Variants in GABPB1 observed in about 807,000 individuals in gnomAD.
GABPB1 encodes GA binding protein transcription factor subunit beta 1, also known as GA-binding protein subunit beta-1.
A neutral mutation model predicts 45.9 loss-of-function variants in GABPB1; 15 were observed. That is an observed-to-expected ratio of 0.33 (90% CI 0.22 to 0.50). The LOEUF is 0.50. GABPB1 is among the 20% of genes least tolerant of loss of function. GABPB1 has a pLI of 0.98. For missense variants in GABPB1, 252 were observed against 457.5 expected (o/e 0.55, Z 4.10); for synonymous variants, 143 against 154.4 (o/e 0.93, Z 0.55).
At chr15:50,353,776 G>C (rs1049903118) in intron 1 of GABPB1, 2 of 152,342 alleles carry the variant, frequency 1.3e-5, no homozygotes, top group Non-Finnish European at 2.9e-5. Context: ...TAATAAATGA[G>C]AGTGGATCTT....
chr15:50,329,652 T>C (rs1186068708), intron 1 of GABPB1, among the ~76,000 whole-genome samples: 1 of 152,196 alleles, frequency 6.6e-6, no homozygotes. Flanking sequence ...TTCAAGTTTG[T>C]CTTCAATTTT....
intron 1 of GABPB1, among the ~76,000 whole-genome samples, chr15:50,323,107 GC>G (rs1184736949): frequency 6.6e-6 from 1 of 152,124 alleles, no homozygotes; most frequent in Non-Finnish European, 1.5e-5. Context: ...ACAGTGGTGT[GC>G]ACCTGCAGTA....
chr15:50,340,465 T>C (rs8026785), intron 1 of GABPB1, among the ~76,000 whole-genome samples: 94,201 of 150,300 alleles, frequency 0.63, 30,527 homozygotes, highest in African/African-American at 0.77. Flanking sequence ...TGCTCCTCCT[T>C]GGCCCACCCT....
At chr15:50,289,785 TA>T in intron 6 of GABPB1, 117 bp from the exon 7 acceptor site, 1 of 782,498 alleles carries the variant, frequency 1.3e-6, no homozygotes, top group East Asian at 2.7e-5. Context: ...TTTTCTTTTT[TA>T]AATAGAGATA....
At position 50,303,999 on chromosome 15, in the gene GABPB1, C is replaced by T. The variant is rs747719315; in HGVS notation, c.243G>A (p.Glu81=). The stretch of plus-strand genomic sequence containing the variant: ...AAACCTCTACTATGCTGGCATGGCC[C>T]TCAGAAGCTGCCATATGTAATGGTG... ...DRTPLHMAAS[E]GHASIVEVLL... The change falls in exon 3 of 9, where the codon GAG becomes GAA. Residue 81 remains glutamate (E), a synonymous_variant. Transcript: ENST00000380877. The T allele has an allele frequency of 5.6e-6, 9 of 1,611,418 alleles. No individual in the cohort carries two copies. In the African/African-American group the frequency reaches 1.1e-4, roughly 19 times the overall value.
rs67151288 is a variant in GABPB1, at chr15:50,346,587, G to GTTTTTT, written c.-1+8392_-1+8397dup. On this transcript the variant is annotated intron_variant, in intron 1 of 8. Coordinates refer to ENST00000380877, the MANE Select transcript of GABPB1 (RefSeq NM_016654.5). Reference sequence around the variant, plus strand: ...CTGGGTAGCTTACAAACAACAGAAAGTTTTTTTTTTTTTTTTTTTGTAGAG... The same window carrying GTTTTTT: ...CTGGGTAGCTTACAAACAACAGAAAGTTTTTTTTTTTTTTTTTTTTTTTTTGTAGAG... Among the ~76,000 whole-genome samples, 45 of 119,886 alleles carry GTTTTTT rather than the reference G, an allele frequency of 3.8e-4. 3 individuals carry two copies. Among genetic ancestry groups the GTTTTTT allele is most frequent in the African/African-American group, 4.6e-4 (14 of 30,710 alleles). 78.6% of individuals were successfully genotyped at this position (119,886 alleles called of 152,430 possible). A position where few individuals can be genotyped will look rare whatever the true frequency, so the allele number is the denominator to read the frequency against.
At chr15:50,350,777 T>C (rs933625427) in intron 1 of GABPB1, 1 of 152,190 alleles carries the variant, frequency 6.6e-6, no homozygotes, top group Non-Finnish European at 1.5e-5. Flanking sequence ...TTTCACAATT[T>C]TGAGGAAATT....
At chr15:50,320,728 A>G (rs534111629) in intron 1 of GABPB1, among the ~76,000 whole-genome samples, 35 of 152,166 alleles carry the variant, frequency 2.3e-4, no homozygotes, top group Non-Finnish European at 4.7e-4. Flanking sequence ...TAAGAGGGAG[A>G]CAGGAGGATC....
chr15:50,282,467 T>C (rs2046008257), intron 8 of GABPB1: 1 of 324,370 alleles, frequency 3.1e-6, no homozygotes, highest in Non-Finnish European at 5.9e-6. Context: ...GGTGGGAAGC[T>C]TGCTTGAGCC....
intron 1 of GABPB1, among the ~76,000 whole-genome samples, chr15:50,310,163 G>C (rs1240448418): frequency 6.6e-6 from 1 of 152,170 alleles, no homozygotes; most frequent in African/African-American, 2.4e-5. Flanking sequence ...CACGATGTTG[G>C]CTCACTGCAA....
chr15:50,299,556 C>G (rs191204650), intron 6 of GABPB1, among the ~76,000 whole-genome samples: 2 of 152,080 alleles, frequency 1.3e-5, no homozygotes, highest in African/African-American at 4.8e-5. Flanking sequence ...TGGGCCACTA[C>G]GCCTGGCTAA....
chr15:50,277,485 A>G lies in GABPB1; in HGVS notation c.*1147T>C, dbSNP rs1427285861. ...GTCTGCCAGTGTTTAATGTCCATACATTGTGGAATTCAACAATATTGTGAT... is the reference window on the plus strand; with the variant it reads ...GTCTGCCAGTGTTTAATGTCCATACGTTGTGGAATTCAACAATATTGTGAT... On this transcript the variant is annotated 3_prime_UTR_variant, in exon 9 of 9. Transcript: ENST00000380877. The G allele has an allele frequency of 6.6e-6, 1 of 152,098 alleles. No individual in the cohort carries two copies. Among genetic ancestry groups the G allele is most frequent in the Non-Finnish European group, 1.5e-5 (1 of 68,004 alleles). 9.4% of individuals were successfully genotyped at this position (152,098 alleles called of 1,614,324 possible).
At chr15:50,314,125 G>A (rs1047396971) in intron 1 of GABPB1, among the ~76,000 whole-genome samples, 7 of 152,032 alleles carry the variant, frequency 4.6e-5, no homozygotes, top group Non-Finnish European at 8.8e-5. Flanking sequence ...ATATACTTAA[G>A]TTACTCTGGT....
At chr15:50,335,932 T>TCTAGGC (rs2048109079) in intron 1 of GABPB1, among the ~76,000 whole-genome samples, 1 of 147,360 alleles carries the variant, frequency 6.8e-6, no homozygotes, top group Non-Finnish European at 1.5e-5. Flanking sequence ...ACTGGTCTAA[T>TCTAGGC]CTAGGCCACT....
intron 8 of GABPB1, chr15:50,285,851 C>G (rs2046134739): frequency 9.1e-6 from 12 of 1,316,756 alleles, no homozygotes; most frequent in Non-Finnish European, 1.2e-5. Context: ...AGATGACAGA[C>G]TGTTATAAAC....
At chr15:50,296,216 T>C (rs2046504344) in intron 6 of GABPB1, among the ~76,000 whole-genome samples, 1 of 152,172 alleles carries the variant, frequency 6.6e-6, no homozygotes, top group Non-Finnish European at 1.5e-5. Context: ...AAAATGTGTA[T>C]TGTACCACTT....
chr15:50,328,380 A>G (rs1280447496), intron 1 of GABPB1, among the ~76,000 whole-genome samples: 2 of 152,170 alleles, frequency 1.3e-5, no homozygotes, highest in Non-Finnish European at 2.9e-5. Context: ...GATTTGTTGA[A>G]AAGAATGGTC....
intron 6 of GABPB1, among the ~76,000 whole-genome samples, chr15:50,294,961 G>T (rs886759231): frequency 6.6e-6 from 1 of 152,168 alleles, no homozygotes; most frequent in African/African-American, 2.4e-5. Flanking sequence ...TTATACAGTT[G>T]TACCACAAGG....
In GABPB1 at chr15:50,278,416, A is replaced by C. The variant is rs1234194069; in HGVS notation, c.*216T>G. The C allele has an allele frequency of 2.8e-6, 1 of 357,864 alleles. No homozygotes were observed. The highest frequency in any genetic ancestry group is 5.0e-6 in the Non-Finnish European group (1 of 201,788). 22.2% of individuals were successfully genotyped at this position (357,864 alleles called of 1,614,324 possible). A position where few individuals can be genotyped will look rare whatever the true frequency, so the allele number is the denominator to read the frequency against. ...AACTCATTTGGAACTGTAAAAAAAA[A>C]AAAACTATTTACAGAATTCAGTTTT... is the stretch of plus-strand genomic sequence containing the variant. On this transcript the variant is annotated 3_prime_UTR_variant, in exon 9 of 9. Coordinates refer to ENST00000380877, the MANE Select transcript of GABPB1 (RefSeq NM_016654.5).
Sources: allele counts gnomAD v4.1 joint callset (sites outside exome capture counted in the v4.1 genomes callset), GRCh38; gene constraint gnomAD v4.1.1; transcripts MANE v1.5; gene names NCBI Gene and HGNC (gene_info 2026-07-23, HGNC 2026-07-21).